The following EPRS1 variants were observed in gnomAD, a reference collection of about 807,000 sequenced individuals.
The protein encoded by EPRS1 is glutamyl-prolyl-tRNA synthetase 1.
A neutral mutation model predicts 188.3 loss-of-function variants in EPRS1; 107 were observed. That is an observed-to-expected ratio of 0.57 (90% CI 0.49 to 0.67). The LOEUF (loss-of-function observed/expected upper bound fraction) is 0.67. Ranked by LOEUF, EPRS1 falls within the 30% of genes least tolerant of loss-of-function variation. The probability of loss-of-function intolerance (pLI) is 0.00; values close to 1 mark genes in which losing one functional copy is unlikely to be tolerated. For missense variants in EPRS1, 1,577 were observed against 1,802.2 expected (o/e 0.88, Z 2.26); for synonymous variants, 596 against 593.1 (o/e 1.00, Z -0.07).
intron 1 of EPRS1, among the ~76,000 whole-genome samples, chr1:220,040,742 C>T (rs1377741977): frequency 1.3e-5 from 2 of 151,478 alleles, no homozygotes; most frequent in African/African-American, 4.9e-5. Context: ...CCCAGCTACT[C>T]GGGAGGCTGA....
At position 219,982,811 on chromosome 1, in the gene EPRS1, G is replaced by A. The variant is rs115412957; in HGVS notation, c.3334C>T (p.Leu1112=). The A allele has an allele frequency of 6.7e-4, 1,079 of 1,614,024 alleles. 7 individuals carry two copies. The African/African-American group carries it at 0.013, about 19-fold the overall frequency. Residue 1112 remains leucine (L), a synonymous_variant, in exon 23 of 32, where the codon CTG becomes TTG. Coordinates refer to ENST00000366923, the MANE Select transcript of EPRS1 (RefSeq NM_004446.3). ...AWVTRSGKTE[L]AEPIAIRPTS... Reference sequence around the variant, plus strand: ...GGACGAATGGCAATTGGTTCTGCCAGCTCGGTTTTGCCAGATCTTGTAACC... The same window carrying A: ...GGACGAATGGCAATTGGTTCTGCCAACTCGGTTTTGCCAGATCTTGTAACC...
rs1210410768 is a variant in EPRS1 at position 220,008,068 on chromosome 1, C to T, written c.1606-730G>A. Among the ~76,000 whole-genome samples, 6 of 149,052 alleles carry T rather than the reference C, an allele frequency of 4.0e-5. 1 individual carries two copies. The highest frequency in any genetic ancestry group is 2.1e-4 in the South Asian group (1 of 4,762). ...GCTGCAGTGAGCCGAGATTGCATCA[C>T]GGCACTCCAGCCTGGGCAACAGAGC... On this transcript the variant is annotated intron_variant, in intron 13 of 31. Coordinates refer to ENST00000366923, the MANE Select transcript of EPRS1 (RefSeq NM_004446.3).
intron 19 of EPRS1, among the ~76,000 whole-genome samples, chr1:219,987,754 G>T (rs1476284047): frequency 6.6e-6 from 1 of 152,184 alleles, no homozygotes; most frequent in African/African-American, 2.4e-5. Flanking sequence ...GCAAAACTGT[G>T]ACTGGAAAAC....
chr1:220,011,053 T>C lies in EPRS1; in HGVS notation c.1498A>G (p.Ile500Val), dbSNP rs1466694400. 1.9e-6 allele frequency: 3 copies of C among 1,580,170 alleles called. No homozygotes were observed. The highest frequency in any genetic ancestry group is 2.2e-5 in the East Asian group (1 of 44,704). Residue 500 changes from isoleucine to valine, a missense_variant, in exon 13 of 32, where the codon ATT becomes GTT. This residue lies in a region of EPRS1 where 1,278 missense variants were observed against 1,457.4 expected (regional missense o/e 0.88). Coordinates refer to ENST00000366923, the MANE Select transcript of EPRS1 (RefSeq NM_004446.3). ...ACATATCGTGGAGCCACTGGGTCAATAACCTGCAACAAATACATCCTCATG... is the reference window on the plus strand; with the variant it reads ...ACATATCGTGGAGCCACTGGGTCAACAACCTGCAACAAATACATCCTCATG... The part of the protein sequence containing the change: ...DKIWAFNKKV[I>V]DPVAPRYVAL...
rs201298201 is a variant in EPRS1, at chr1:220,042,922, AAAAC to A, written c.47-2657_47-2654del. On this transcript the variant is annotated intron_variant, in intron 1 of 31. Transcript: ENST00000366923. ...GTGACAGGGTGAGACTCCATCTCAA[AAAAC>A]AAACAAACAAAAAACAACATCAACA... 9.1e-3 allele frequency among the ~76,000 whole-genome samples: 1,385 copies of A among 152,308 alleles called. 14 individuals carry two copies. The highest frequency in any genetic ancestry group is 0.031 in the Admixed American group (480 of 15,286).
chr1:220,012,432 G>T (rs1571683088), intron 12 of EPRS1, among the ~76,000 whole-genome samples: 1 of 152,140 alleles, frequency 6.6e-6, no homozygotes, highest in East Asian at 1.9e-4. Flanking sequence ...CTGCCAAAAG[G>T]AGCAGGATGT....
rs1347262253 is a variant in EPRS1, at chr1:219,982,798, A to G, written c.3347T>C (p.Ile1116Thr). Residue 1116 changes from isoleucine to threonine, a missense_variant, in exon 23 of 32, where the codon ATT becomes ACT. Ile to Thr is a moderately conservative substitution (Grantham distance 89). Around this residue, in one of 3 missense-constraint regions of EPRS1, gnomAD observed 1,278 missense variants for 1,457.4 expected, o/e 0.88. Transcript: ENST00000366923. Reference sequence around the variant, plus strand: ...TGTTTCACTAGTAGGACGAATGGCAATTGGTTCTGCCAGCTCGGTTTTGCC... The same window carrying G: ...TGTTTCACTAGTAGGACGAATGGCAGTTGGTTCTGCCAGCTCGGTTTTGCC... Reference protein sequence around the residue: ...RSGKTELAEPIAIRPTSETVM... With the variant: ...RSGKTELAEPTAIRPTSETVM... The G allele has an allele frequency of 1.9e-6, 3 of 1,614,064 alleles. No individual in the cohort carries two copies. Among genetic ancestry groups the G allele is most frequent in the Admixed American group, 1.7e-5 (1 of 60,016 alleles).
intron 26 of EPRS1, among the ~76,000 whole-genome samples, 190 bp downstream of exon 26, chr1:219,979,895 G>A (rs544132859): frequency 3.9e-5 from 6 of 152,252 alleles, no homozygotes; most frequent in Non-Finnish European, 7.4e-5. Context: ...TAGTAATTCA[G>A]GATACATACT....
At chr1:219,979,365 A>G in intron 27 of EPRS1, 53 bp downstream of exon 27, 1 of 1,381,460 alleles carries the variant, frequency 7.2e-7, no homozygotes, top group Non-Finnish European at 1.0e-6. Context: ...TTCCTTTAGT[A>G]AATATGGCTT....
At chr1:220,024,834 A>C (rs962801150) in intron 7 of EPRS1, among the ~76,000 whole-genome samples, 11 of 152,328 alleles carry the variant, frequency 7.2e-5, no homozygotes, top group African/African-American at 2.6e-4. Flanking sequence ...TATTTCATTC[A>C]TAAACTTAAG....
chr1:219,981,547 G>T, intron 23 of EPRS1, 90 bp from the exon 24 acceptor site: 1 of 608,014 alleles, frequency 1.6e-6, no homozygotes, highest in Non-Finnish European at 2.8e-6. Context: ...TAATTAATAG[G>T]AATTAAAATG....
intron 6 of EPRS1, among the ~76,000 whole-genome samples, chr1:220,030,149 T>G (rs1558060672): frequency 6.6e-6 from 1 of 152,210 alleles, no homozygotes; most frequent in Admixed American, 6.5e-5. Flanking sequence ...TAAAGTTCTG[T>G]CAGGATAAAA....
At chr1:219,977,583 T>C (rs1423397085) in intron 28 of EPRS1, among the ~76,000 whole-genome samples, 6 of 151,998 alleles carry the variant, frequency 3.9e-5, no homozygotes, top group Non-Finnish European at 4.4e-5. Context: ...CATCACACAA[T>C]AGCTATTTAT....
chr1:220,045,873 A>G (rs942942419), intron 1 of EPRS1, among the ~76,000 whole-genome samples: 1 of 152,232 alleles, frequency 6.6e-6, no homozygotes, highest in Non-Finnish European at 1.5e-5. Context: ...ATTTGACTCA[A>G]GTGAACTGAG....
chr1:220,020,827 T>C lies in EPRS1; in HGVS notation c.1116-606A>G, dbSNP rs1661860011. ...TACATGCAGTATCAATTTGAATTTA[T>C]ATATATATATATATATATATATATA... On this transcript the variant is annotated intron_variant, in intron 9 of 31. Coordinates refer to ENST00000366923, the MANE Select transcript of EPRS1 (RefSeq NM_004446.3). 3.4e-3 allele frequency among the ~76,000 whole-genome samples: 8 copies of C among 2,368 alleles called. No homozygotes were observed. The Admixed American group carries it at 0.069, about 20-fold the overall frequency. 1.6% of individuals were successfully genotyped at this position (2,368 alleles called of 152,430 possible). A position where few individuals can be genotyped will look rare whatever the true frequency, so the allele number is the denominator to read the frequency against.
At position 220,016,121 on chromosome 1, in the gene EPRS1, G is replaced by A. The variant is rs768291041; in HGVS notation, c.1494+2328C>T. 5.9e-5 allele frequency among the ~76,000 whole-genome samples: 9 copies of A among 152,082 alleles called. 1 individual carries two copies. The highest frequency in any genetic ancestry group is 1.2e-4 in the Non-Finnish European group (8 of 68,014). On this transcript the variant is annotated intron_variant, in intron 12 of 31. Coordinates refer to ENST00000366923, the MANE Select transcript of EPRS1 (RefSeq NM_004446.3). ...AGAACTCCGGGAGGCTGAGGTGGGC[G>A]GATCACGAGGTCGGGAGTTCGAGAC...
chr1:219,998,941 C>T (rs1285511912), intron 17 of EPRS1, among the ~76,000 whole-genome samples: 2 of 144,016 alleles, frequency 1.4e-5, no homozygotes, highest in Admixed American at 1.4e-4. Context: ...AAAAAAATCA[C>T]ACTGCCTTGT....
Position 219,988,763 on chromosome 1 carries a change from T to C in EPRS1, c.2602A>G (p.Thr868Ala). Residue 868 changes from threonine to alanine, a missense_variant, in exon 19 of 32, where the codon ACT becomes GCT. Coordinates refer to ENST00000366923, the MANE Select transcript of EPRS1 (RefSeq NM_004446.3). Reference sequence around the variant, plus strand: ...TGACCAGGTATGTACTCCTTCCCAGTTTTTTCTTTATACTGAGCCTTCAGG... The same window carrying C: ...TGACCAGGTATGTACTCCTTCCCAGCTTTTTCTTTATACTGAGCCTTCAGG... ...LSLKAQYKEKTGKEYIPGQPP... is the reference protein window; with the variant it reads ...LSLKAQYKEKAGKEYIPGQPP... 2 of 1,613,864 alleles carry C rather than the reference T, an allele frequency of 1.2e-6. No homozygotes were observed. The highest frequency in any genetic ancestry group is 2.2e-5 in the South Asian group (2 of 91,064).
Position 219,983,338 on chromosome 1 carries a change from G to C in EPRS1, c.3151C>G (p.Pro1051Ala), listed in dbSNP as rs747525049. The C allele has an allele frequency of 1.1e-5, 17 of 1,613,996 alleles. No homozygotes were observed. Among genetic ancestry groups the C allele is most frequent in the African/African-American group, 1.3e-5 (1 of 75,064 alleles). The change falls in exon 22 of 32, where the codon CCC (proline) becomes GCC (alanine). Residue 1051 changes from proline to alanine, a missense_variant. Pro to Ala is a conservative substitution (Grantham distance 27, BLOSUM62 -1). Around this residue, in one of 3 missense-constraint regions of EPRS1, gnomAD observed 1,278 missense variants for 1,457.4 expected, o/e 0.88. Coordinates refer to ENST00000366923, the MANE Select transcript of EPRS1 (RefSeq NM_004446.3). Reference protein sequence around the residue: ...HDISGCYILRPWAYAIWEAIK... With the variant: ...HDISGCYILRAWAYAIWEAIK... ...GCTTCCCAAATGGCATAGGCCCAGG[G>C]ACGAAGAATATAACAGCCACTTATG...
Sources: allele counts gnomAD v4.1 joint callset (sites outside exome capture counted in the v4.1 genomes callset), GRCh38; gene constraint gnomAD v4.1.1; regional missense constraint gnomAD v4.1.1; transcripts MANE v1.5; gene names NCBI Gene and HGNC (gene_info 2026-07-23, HGNC 2026-07-21).